Variants in XIRP2 observed in about 807,000 individuals in gnomAD.
XIRP2 encodes xin actin-binding repeat-containing protein 2.
Under a neutral mutation model 277.0 loss-of-function variants are expected in XIRP2, and 236 were observed. The observed-to-expected ratio is 0.85, with a 90% CI of 0.77 to 0.95. XIRP2 has a LOEUF of 0.95. XIRP2 is among the 40% of genes least tolerant of loss of function. The pLI, the probability that XIRP2 is intolerant of heterozygous loss-of-function variation, is 0.00. For missense variants in XIRP2, 4,640 were observed against 4,157.5 expected, an observed-to-expected ratio of 1.12 and a Z score of -3.19; for synonymous variants, 1,490 against 1,416.5, an observed-to-expected ratio of 1.05 and a Z score of -1.17.
chr2:167,088,565 C>A (rs76852392), intron 2 of XIRP2, among the ~76,000 whole-genome samples: 1 of 152,130 alleles, frequency 6.6e-6, no homozygotes, highest in Non-Finnish European at 1.5e-5. Flanking sequence ...AGTACACTTG[C>A]ATATCTTCTA....
chr2:166,918,184 TGGAAGTTTATCCACCA>T (rs1464819577), intron 2 of XIRP2, among the ~76,000 whole-genome samples: 2 of 152,216 alleles, frequency 1.3e-5, no homozygotes, highest in African/African-American at 4.8e-5. Flanking sequence ...CCACAGTAAA[TGGAAGTTTATCCACCA>T]GGAATGTTGT....
At chr2:167,083,749 G>A (rs917587364) in intron 2 of XIRP2, among the ~76,000 whole-genome samples, 31 of 151,774 alleles carry the variant, frequency 2.0e-4, no homozygotes, top group Middle Eastern at 3.4e-3. Context: ...TCTGTCTGTT[G>A]TTGGTGTATA....
intron 2 of XIRP2, among the ~76,000 whole-genome samples, chr2:167,088,595 T>G (rs1690038420): frequency 6.6e-6 from 1 of 152,164 alleles, no homozygotes; most frequent in Admixed American, 6.5e-5. Flanking sequence ...TCAAAAATCT[T>G]AATTTGGCCA....
At chr2:167,059,182 C>T (rs574094500) in intron 2 of XIRP2, among the ~76,000 whole-genome samples, 3 of 143,664 alleles carry the variant, frequency 2.1e-5, no homozygotes, top group South Asian at 4.5e-4. Context: ...TCTTGGCTCA[C>T]TGCAACCTCC....
At chr2:166,893,172 GATATAA>G (rs1435530122) in intron 1 of XIRP2, among the ~76,000 whole-genome samples, 1 of 151,816 alleles carries the variant, frequency 6.6e-6, no homozygotes, top group East Asian at 1.9e-4. Flanking sequence ...GGAATTTGAT[GATATAA>G]ATATTAGAGT....
intron 2 of XIRP2, among the ~76,000 whole-genome samples, chr2:166,984,094 C>G (rs1686939982): frequency 6.6e-6 from 1 of 152,148 alleles, no homozygotes; most frequent in Non-Finnish European, 1.5e-5. Flanking sequence ...TTCAAGATGG[C>G]CATCTCAACT....
chr2:167,094,453 T>C (rs190488305), intron 2 of XIRP2, among the ~76,000 whole-genome samples: 2 of 152,292 alleles, frequency 1.3e-5, no homozygotes, highest in Admixed American at 1.3e-4. Context: ...ATTTAGGTCT[T>C]ACATTTAAGT....
chr2:166,930,356 A>G (rs904859978), intron 2 of XIRP2, among the ~76,000 whole-genome samples: 3 of 152,124 alleles, frequency 2.0e-5, no homozygotes, highest in African/African-American at 7.2e-5. Flanking sequence ...AACTTTTCTG[A>G]AACAGCGTGT....
chr2:167,068,264 A>C (rs192329521), intron 2 of XIRP2, among the ~76,000 whole-genome samples: 14 of 152,320 alleles, frequency 9.2e-5, no homozygotes, highest in East Asian at 1.9e-4. Flanking sequence ...AAAACAAACA[A>C]ACACACACAA....
intron 3 of XIRP2, among the ~76,000 whole-genome samples, chr2:167,178,871 T>G (rs7600229): frequency 6.6e-6 from 1 of 152,140 alleles, no homozygotes; most frequent in Admixed American, 6.5e-5. Context: ...ATATCTAGCA[T>G]AGCACTTCAC....
At chr2:166,911,752 T>C (rs1427008656) in intron 2 of XIRP2, among the ~76,000 whole-genome samples, 2 of 152,212 alleles carry the variant, frequency 1.3e-5, no homozygotes, top group Non-Finnish European at 2.9e-5. Flanking sequence ...TGGTACTGGT[T>C]GTTCCTTTCC....
chr2:167,030,129 A>G (rs533960945), intron 2 of XIRP2, among the ~76,000 whole-genome samples: 4 of 151,900 alleles, frequency 2.6e-5, no homozygotes, highest in Non-Finnish European at 5.9e-5. Context: ...TCTGGCTAGC[A>G]GTCTATCTAT....
chr2:166,902,861 T>G (rs1336951557), intron 1 of XIRP2, among the ~76,000 whole-genome samples: 1 of 152,062 alleles, frequency 6.6e-6, no homozygotes, highest in African/African-American at 2.4e-5. Context: ...ACCTGCAAAA[T>G]AGTAATAATA....
rs370637509 is a variant in XIRP2 at position 167,016,181 on chromosome 2, T to C, written c.408+112291T>C. Among the ~76,000 whole-genome samples, 115 of 151,960 alleles carry C rather than the reference T, an allele frequency of 7.6e-4. 1 individual carries two copies. The highest frequency in any genetic ancestry group is 2.7e-3 in the African/African-American group (113 of 41,498). On this transcript the variant is annotated intron_variant, in intron 2 of 10. Transcript: ENST00000409195. ...CTCTTTTTTCTCCTTCATCTTCCCC[T>C]CCTTTTTCTCCTTCCTCCTCCTCAT...
chr2:166,911,744 G>C (rs1320404139), intron 2 of XIRP2, among the ~76,000 whole-genome samples: 1 of 152,096 alleles, frequency 6.6e-6, no homozygotes, highest in East Asian at 1.9e-4. Flanking sequence ...GCTGTCGCTG[G>C]TACTGGTTGT....
At chr2:166,975,082 T>C (rs1686675582) in intron 2 of XIRP2, among the ~76,000 whole-genome samples, 1 of 152,044 alleles carries the variant, frequency 6.6e-6, no homozygotes, top group Non-Finnish European at 1.5e-5. Flanking sequence ...TTGATCAAAA[T>C]GTCAATACAT....
intron 1 of XIRP2, among the ~76,000 whole-genome samples, chr2:166,902,631 G>A (rs1185535101): frequency 1.3e-5 from 2 of 151,868 alleles, no homozygotes; most frequent in African/African-American, 2.4e-5. Context: ...TTTCTGGTAA[G>A]AGTACACTTT....
chr2:167,035,506 G>C (rs1688486176), intron 2 of XIRP2, among the ~76,000 whole-genome samples: 1 of 152,190 alleles, frequency 6.6e-6, no homozygotes, highest in Non-Finnish European at 1.5e-5. Context: ...CTTTGAACTT[G>C]AGAGAGATGA....
chr2:167,254,019 T>C lies in XIRP2; in HGVS notation c.10556-13T>C, dbSNP rs1695589835. ...ATAACACTACAGAAGGCTTTGTAAA[T>C]TTTTATTTTTAGAAGCTGCTGCTCC... On this transcript the variant is annotated splice_polypyrimidine_tract_variant and intron_variant, in intron 9 of 10. Transcript: ENST00000409195. The C allele has an allele frequency of 6.4e-7, 1 of 1,573,358 alleles. No homozygotes were observed. Among genetic ancestry groups the C allele is most frequent in the Non-Finnish European group, 8.6e-7 (1 of 1,162,372 alleles).
Sources: gnomAD v4.1 joint callset for allele counts (sites outside exome capture counted in the v4.1 genomes callset) on GRCh38, gnomAD v4.1.1 for gene constraint, MANE v1.5 for transcripts, NCBI Gene and HGNC (gene_info 2026-07-23, HGNC 2026-07-21) for gene names.